PRADC1: variants seen among roughly 807,000 people sequenced by gnomAD.
PRADC1 encodes the protein protease associated domain containing 1.
PRADC1 carries 23 observed loss-of-function variants against 22.9 expected under a neutral mutation model. The ratio of observed to expected loss-of-function variants is 1.00; its 90% CI spans 0.72 to 1.42. PRADC1 has a LOEUF of 1.42. PRADC1 is among the 40% of genes most tolerant of loss of function. The pLI, the probability that PRADC1 is intolerant of heterozygous loss-of-function variation, is 0.00. For synonymous variants in PRADC1, 71 were observed against 100.3 expected, an observed-to-expected ratio of 0.71 and a Z score of 1.75; for missense variants, 207 against 258.3, an observed-to-expected ratio of 0.80 and a Z score of 1.36.
rs1293538338 is a variant in PRADC1 at position 73,233,181 on chromosome 2, C to G, written c.-21G>C. On this transcript the variant is annotated 5_prime_UTR_variant, in exon 1 of 5. Transcript: ENST00000258083. ...ACCATCTCCAGGGCCGGGCCCGGCC[C>G]GGCGCCGCGTTTCCTCTCGCCGCCC... The G allele has an allele frequency of 3.7e-6, 5 of 1,350,002 alleles. No homozygotes were observed. The highest frequency in any genetic ancestry group is 3.8e-6 in the Non-Finnish European group (4 of 1,052,186). 83.6% of individuals were successfully genotyped at this position (1,350,002 alleles called of 1,614,324 possible).
chr2:73,232,857 G>C (rs773787168), intron 1 of PRADC1, among the ~76,000 whole-genome samples: 19 of 152,116 alleles, frequency 1.2e-4, no homozygotes, highest in Non-Finnish European at 1.3e-4. Flanking sequence ...GGCGGGGAGG[G>C]GCGAGTGGGG....
At chr2:73,232,412 T>C (rs988597817) in intron 1 of PRADC1, among the ~76,000 whole-genome samples, 25 of 152,118 alleles carry the variant, frequency 1.6e-4, no homozygotes, top group African/African-American at 5.8e-4. Context: ...AAGTCACTAC[T>C]GTGTACCAAG....
chr2:73,229,352 TA>T, intron 3 of PRADC1, 108 bp downstream of exon 3: 1 of 836,024 alleles, frequency 1.2e-6, no homozygotes, highest in African/African-American at 1.7e-5. Flanking sequence ...TAAAGACGCT[TA>T]AAAAGATGAA....
chr2:73,230,751 T>G (rs2103733683), intron 1 of PRADC1, among the ~76,000 whole-genome samples: 1 of 152,366 alleles, frequency 6.6e-6, no homozygotes, highest in African/African-American at 2.4e-5. Flanking sequence ...ATAACTGCCC[T>G]TTGCATTTAA....
At chr2:73,232,281 G>A (rs1232746239) in intron 1 of PRADC1, among the ~76,000 whole-genome samples, 1 of 151,416 alleles carries the variant, frequency 6.6e-6, no homozygotes, top group Non-Finnish European at 1.5e-5. Flanking sequence ...AGCTTGCAGT[G>A]AGCCGAGATC....
Position 73,233,199 on chromosome 2 carries a change from C to T in PRADC1, c.-39G>A, listed in dbSNP as rs534356923. On this transcript the variant is annotated 5_prime_UTR_variant, in exon 1 of 5. Coordinates refer to ENST00000258083, the MANE Select transcript of PRADC1 (RefSeq NM_032319.3). ...CCCGGCCCGGCGCCGCGTTTCCTCT[C>T]GCCGCCCCGCCGCGCGTCGCTCGCA... 1.3e-5 allele frequency: 17 copies of T among 1,275,504 alleles called. No individual in the cohort carries two copies. The South Asian group carries it at 2.8e-4, about 21-fold the overall frequency. The allele number at this position is 1,275,504 out of a possible 1,614,324, so 79.0% of individuals were successfully genotyped here.
chr2:73,228,390 A>C lies in PRADC1; in HGVS notation c.*64T>G, dbSNP rs1035253592. ...TGCTATCTCCAAATTCCAAGTAGCAAAATTCCTGGGTTTCCCCTTCCCAGC... is the reference window on the plus strand; with the variant it reads ...TGCTATCTCCAAATTCCAAGTAGCACAATTCCTGGGTTTCCCCTTCCCAGC... On this transcript the variant is annotated 3_prime_UTR_variant, in exon 5 of 5. Transcript: ENST00000258083. This position sits in a 1 kb window ranked among gnomAD's most constrained non-coding sequence, Gnocchi z 4.0. 4.4e-6 allele frequency: 7 copies of C among 1,600,378 alleles called. No homozygotes were observed. The African/African-American group carries it at 5.4e-5, about 12-fold the overall frequency.
rs892889268 is a variant in PRADC1 at position 73,228,185 on chromosome 2, G to A, written c.*269C>T. ...GTCACAGATGGCTCTCAGGCCACCTGCCTTCAGCTCCTTTTGTTTCGGGTT... is the reference window on the plus strand; with the variant it reads ...GTCACAGATGGCTCTCAGGCCACCTACCTTCAGCTCCTTTTGTTTCGGGTT... On this transcript the variant is annotated 3_prime_UTR_variant, in exon 5 of 5. Coordinates refer to ENST00000258083, the MANE Select transcript of PRADC1 (RefSeq NM_032319.3). This position sits in a 1 kb window ranked among gnomAD's most constrained non-coding sequence, Gnocchi z 4.0. The A allele has an allele frequency of 1.3e-5, 6 of 455,910 alleles. No homozygotes were observed. The highest frequency in any genetic ancestry group is 1.2e-4 in the African/African-American group (6 of 50,614). 28.2% of individuals were successfully genotyped at this position (455,910 alleles called of 1,614,324 possible).
rs1686602358 is a variant in PRADC1 at position 73,229,893 on chromosome 2, C to T, written c.168+220G>A. ...TGCTCTTGGCTTTTCACTTCATGTC[C>T]CCTAAAAAGACAACTTGTCCCTCCA... On this transcript the variant is annotated intron_variant, in intron 2 of 4. Coordinates refer to ENST00000258083, the MANE Select transcript of PRADC1 (RefSeq NM_032319.3). The T allele has an allele frequency of 1.2e-5, 7 of 586,796 alleles. No individual in the cohort carries two copies. The South Asian group carries it at 1.4e-4, about 12-fold the overall frequency. 36.3% of individuals were successfully genotyped at this position (586,796 alleles called of 1,614,324 possible). A position where few individuals can be genotyped will look rare whatever the true frequency, so the allele number is the denominator to read the frequency against.
intron 3 of PRADC1, 29 bp downstream of exon 3, chr2:73,229,432 T>TCCTCGTGTCCTGCCTGCCCACA: frequency 6.8e-7 from 1 of 1,469,758 alleles, no homozygotes; most frequent in Non-Finnish European, 9.5e-7. Flanking sequence ...GCCTGCCCAC[T>TCCTCGTGTCCTGCCTGCCCACA]CCTCGTGTCC....
rs776271178 is a variant in PRADC1 at position 73,228,617 on chromosome 2, T to C, written c.447-43A>G. On this transcript the variant is annotated intron_variant, in intron 4 of 4. Coordinates refer to ENST00000258083, the MANE Select transcript of PRADC1 (RefSeq NM_032319.3). This position sits in a 1 kb window ranked among gnomAD's most constrained non-coding sequence, Gnocchi z 4.0. ...GAGGTGGTGACGGTCACTTTCTTGG[T>C]ACCCCATCATGCCCCACTGTCCCCA... 1.2e-6 allele frequency: 2 copies of C among 1,613,422 alleles called. No homozygotes were observed. The highest frequency in any genetic ancestry group is 1.3e-5 in the African/African-American group (1 of 74,916).
Position 73,228,227 on chromosome 2 carries a change from G to T in PRADC1, c.*227C>A. 1.8e-6 allele frequency: 1 copy of T among 550,912 alleles called. No individual in the cohort carries two copies. Among genetic ancestry groups the T allele is most frequent in the Non-Finnish European group, 3.2e-6 (1 of 311,966 alleles). The allele number at this position is 550,912 out of a possible 1,614,324, so 34.1% of individuals were successfully genotyped here. On this transcript the variant is annotated 3_prime_UTR_variant, in exon 5 of 5. Transcript: ENST00000258083. The surrounding 1 kb of genome is among the most constrained non-coding windows in gnomAD (Gnocchi z 4.0). ...TTTCGGGTTCTAGCCAGAAGCCCTG[G>T]GGCCTGTCTCTTGCCTCTTCTTGTA...
At chr2:73,231,797 C>T (rs1168903609) in intron 1 of PRADC1, among the ~76,000 whole-genome samples, 1 of 151,944 alleles carries the variant, frequency 6.6e-6, no homozygotes, top group African/African-American at 2.4e-5. Context: ...CACTTTGTAA[C>T]TTCATTCAGT....
intron 2 of PRADC1, 33 bp from the exon 3 acceptor site, chr2:73,229,603 G>A (rs1291841054): frequency 6.5e-7 from 1 of 1,533,400 alleles, no homozygotes; most frequent in African/African-American, 1.4e-5. Flanking sequence ...ACAGGTGAGA[G>A]TGTAATGAGA....
rs149195769 is a variant in PRADC1, at chr2:73,228,860, C to T, written c.381G>A (p.Glu127=). The T allele has an allele frequency of 1.9e-6, 3 of 1,613,480 alleles. No homozygotes were observed. Among genetic ancestry groups the T allele is most frequent in the Non-Finnish European group, 2.5e-6 (3 of 1,179,984 alleles). ...NAVDNDSFYV[E]MIQDSTQRTA... Reference sequence around the variant, plus strand: ...TGCGCTGGGTACTGTCCTGGATCATCTCCACGTAGAAGCTGTCATTGTCAA... The same window carrying T: ...TGCGCTGGGTACTGTCCTGGATCATTTCCACGTAGAAGCTGTCATTGTCAA... Residue 127 remains glutamate, a synonymous_variant, in exon 4 of 5, where the codon GAG becomes GAA. Coordinates refer to ENST00000258083, the MANE Select transcript of PRADC1 (RefSeq NM_032319.3). The surrounding 1 kb of genome is among the most constrained non-coding windows in gnomAD (Gnocchi z 4.0).
Position 73,228,644 on chromosome 2 carries a change from C to T in PRADC1, c.447-70G>A. 2 of 1,608,420 alleles carry T rather than the reference C, an allele frequency of 1.2e-6. No homozygotes were observed. The highest frequency in any genetic ancestry group is 1.7e-6 in the Non-Finnish European group (2 of 1,176,044). Reference sequence around the variant, plus strand: ...CCCCATCATGCCCCACTGTCCCCATCAATCTGGGAGTTCCAAAGCCCGAGA... The same window carrying T: ...CCCCATCATGCCCCACTGTCCCCATTAATCTGGGAGTTCCAAAGCCCGAGA... On this transcript the variant is annotated intron_variant, in intron 4 of 4. Transcript: ENST00000258083. This position sits in a 1 kb window ranked among gnomAD's most constrained non-coding sequence, Gnocchi z 4.0.
In PRADC1 at chr2:73,228,918, CCG is replaced by C; in HGVS notation, c.321_322del (p.His107GlnfsTer9). 4 of 1,613,904 alleles carry C rather than the reference CCG, an allele frequency of 2.5e-6. No homozygotes were observed. The highest frequency in any genetic ancestry group is 3.4e-6 in the Non-Finnish European group (4 of 1,179,968). ...GTCAGAGATGATCACCGCCCGCCCGCCGTGCTCCTGGACCACCCGAGTCTTGG... is the reference window on the plus strand; with the variant it reads ...GTCAGAGATGATCACCGCCCGCCCGCTGCTCCTGGACCACCCGAGTCTTGG... On this transcript the variant is annotated frameshift_variant, in exon 4 of 5. Transcript: ENST00000258083. LOFTEE classifies it high-confidence loss of function. The surrounding 1 kb of genome is among the most constrained non-coding windows in gnomAD (Gnocchi z 4.0).
Position 73,228,899 on chromosome 2 carries a change from G to C in PRADC1, c.342C>G (p.Ile114Met). ...TGTCATTGTCAACTGCGTTGTCAGA[G>C]ATGATCACCGCCCGCCCGCCGTGCT... ...VQEHGGRAVI[I>M]SDNAVDNDSF... The change falls in exon 4 of 5, where the codon ATC (isoleucine) becomes ATG (methionine). Residue 114 changes from isoleucine to methionine, a missense_variant. By Grantham distance (10) the Ile-to-Met change is conservative. Transcript: ENST00000258083. This position sits in a 1 kb window ranked among gnomAD's most constrained non-coding sequence, Gnocchi z 4.0. 1.9e-6 allele frequency: 3 copies of C among 1,613,756 alleles called. No individual in the cohort carries two copies. The highest frequency in any genetic ancestry group is 2.5e-6 in the Non-Finnish European group (3 of 1,179,956).
At chr2:73,233,021 C>T (rs1045339065) in intron 1 of PRADC1, 73 bp downstream of exon 1, 6 of 1,502,412 alleles carry the variant, frequency 4.0e-6, no homozygotes, top group Admixed American at 2.1e-5. Context: ...GACCCTTGGC[C>T]CCCAACCCGA....
Sources: gnomAD v4.1 joint callset for allele counts (sites outside exome capture counted in the v4.1 genomes callset) on GRCh38, gnomAD v4.1.1 for gene constraint, Gnocchi (gnomAD v3.1) non-coding constraint, MANE v1.5 for transcripts, NCBI Gene and HGNC (gene_info 2026-07-23, HGNC 2026-07-21) for gene names.